RYR2: variants seen among roughly 807,000 people sequenced by gnomAD.
RYR2 encodes ryanodine receptor 2.
RYR2 carries 227 observed loss-of-function variants against 601.1 expected under a neutral mutation model. The observed-to-expected ratio is 0.38, with a 90% CI of 0.34 to 0.42. RYR2 has a LOEUF of 0.42. Ranked by LOEUF, RYR2 falls within the 10% of genes least tolerant of loss-of-function variation. The pLI, the probability that RYR2 is intolerant of heterozygous loss-of-function variation, is 1.00. For missense variants in RYR2, 4,646 were observed against 6,156.5 expected (o/e 0.75, Z 8.21); for synonymous variants, 2,223 against 2,175.1 (o/e 1.02, Z -0.61).
chr1:237,807,184 C>T lies in RYR2; in HGVS notation c.14298+901C>T, dbSNP rs532295147. Among the ~76,000 whole-genome samples, 6 of 152,132 alleles carry T rather than the reference C, an allele frequency of 3.9e-5. No homozygotes were observed. The East Asian group carries it at 1.2e-3, about 29-fold the overall frequency. On this transcript the variant is annotated intron_variant, in intron 99 of 104. Coordinates refer to ENST00000366574, the MANE Select transcript of RYR2 (RefSeq NM_001035.3). ...CGTGCACGGCAAGTCATGGGTCTAG[C>T]GACAAAAAAGTCTATTTATCTGTCA...
chr1:237,287,964 C>T (rs1299539268), intron 2 of RYR2, among the ~76,000 whole-genome samples: 2 of 152,142 alleles, frequency 1.3e-5, no homozygotes. Flanking sequence ...GGGTCTAGGG[C>T]TGAAGGCTGT....
chr1:237,197,372 A>T (rs1267234696), intron 1 of RYR2, among the ~76,000 whole-genome samples: 1 of 152,208 alleles, frequency 6.6e-6, no homozygotes, highest in Non-Finnish European at 1.5e-5. Flanking sequence ...GTTTTCATAA[A>T]TTGGTGTAAA....
At chr1:237,381,251 CAAAAAA>C (rs60493059) in intron 8 of RYR2, among the ~76,000 whole-genome samples, 2 of 45,768 alleles carry the variant, frequency 4.4e-5, no homozygotes, top group Non-Finnish European at 1.1e-4. Context: ...GACTCCGTCT[CAAAAAA>C]AAAAAAAAAA....
intron 42 of RYR2, among the ~76,000 whole-genome samples, chr1:237,632,194 G>A (rs923239349): frequency 7.2e-5 from 11 of 151,938 alleles, no homozygotes; most frequent in Non-Finnish European, 1.5e-4. Context: ...ATTACTCTAT[G>A]TGTTAATTTA....
intron 2 of RYR2, among the ~76,000 whole-genome samples, chr1:237,314,619 G>A (rs1430730956): frequency 6.6e-6 from 1 of 152,162 alleles, no homozygotes; most frequent in Non-Finnish European, 1.5e-5. Flanking sequence ...TAGTATTACA[G>A]GTGCATCGTA....
chr1:237,627,915 A>G lies in RYR2; in HGVS notation c.6275A>G (p.Tyr2092Cys), dbSNP rs1490741313. 3 of 1,613,812 alleles carry G rather than the reference A, an allele frequency of 1.9e-6. No individual in the cohort carries two copies. The highest frequency in any genetic ancestry group is 2.5e-6 in the Non-Finnish European group (3 of 1,179,894). Residue 2092 changes from tyrosine (Y) to cysteine (C), a missense_variant, in exon 41 of 105, where the codon TAT becomes TGT. Tyr to Cys is a radical substitution (Grantham distance 194, BLOSUM62 -2). Transcript: ENST00000366574. ...RAMFVLLHRQ[Y>C]DGIGGLVRAL... ...ATGTTTGTGTTGCTCCATCGGCAGT[A>G]TGACGGCATTGGGGGTCTTGTTCGG...
chr1:237,427,772 G>A (rs1335772740), intron 12 of RYR2, among the ~76,000 whole-genome samples: 3 of 95,386 alleles, frequency 3.1e-5, no homozygotes, highest in African/African-American at 1.3e-4. Flanking sequence ...AACAGAGCAA[G>A]ACTCTGCCTC....
rs1678573806 is a variant in RYR2, at chr1:237,180,535, T to G, written c.49-89962T>G. Among the ~76,000 whole-genome samples the G allele has an allele frequency of 6.6e-6, 1 of 151,452 alleles. No homozygotes were observed. The highest frequency in any genetic ancestry group is 1.5e-5 in the Non-Finnish European group (1 of 67,964). ...TTCTTTTTCTGCTTAGTCTTTCTGG[T>G]TGGCTCAGATTGAAAAAAACCCAAA... On this transcript the variant is annotated intron_variant, in intron 1 of 104. Transcript: ENST00000366574. The surrounding 1 kb of genome is among the most constrained non-coding windows in gnomAD (Gnocchi z 5.3).
intron 88 of RYR2, among the ~76,000 whole-genome samples, chr1:237,779,126 T>G (rs1289462882): frequency 6.6e-6 from 1 of 152,154 alleles, no homozygotes; most frequent in African/African-American, 2.4e-5. Flanking sequence ...TACAGATAAT[T>G]GAAATAGGTT....
At position 237,680,442 on chromosome 1, in the gene RYR2, T is replaced by C. The variant is rs761596075; in HGVS notation, c.8896-14T>C. ...TTCCACTACGTAGATCTGTCTTCTT[T>C]TCCTTTCTTTCAGGTCGTTCTTCCT... On this transcript the variant is annotated splice_polypyrimidine_tract_variant and intron_variant, in intron 61 of 104. Transcript: ENST00000366574. 33 of 1,607,016 alleles carry C rather than the reference T, an allele frequency of 2.1e-5. No individual in the cohort carries two copies. In the East Asian group the frequency reaches 2.5e-4, roughly 12 times the overall value.
At chr1:237,659,195 C>T (rs1055521926) in intron 54 of RYR2, among the ~76,000 whole-genome samples, 14 of 152,156 alleles carry the variant, frequency 9.2e-5, no homozygotes, top group East Asian at 3.8e-4. Flanking sequence ...GCCAGTCTTT[C>T]GGTCCCTCTA....
chr1:237,315,430 A>G (rs1389007933), intron 2 of RYR2, among the ~76,000 whole-genome samples: 2 of 152,090 alleles, frequency 1.3e-5, no homozygotes, highest in African/African-American at 4.8e-5. Context: ...ATTTAAATAT[A>G]TAAGTTATTA....
chr1:237,287,601 G>A (rs1691702656), intron 2 of RYR2, among the ~76,000 whole-genome samples: 1 of 152,092 alleles, frequency 6.6e-6, no homozygotes, highest in Non-Finnish European at 1.5e-5. Context: ...CAATTCTATT[G>A]CTGAGACTTT....
chr1:237,091,665 T>TC (rs1188180090), intron 1 of RYR2, among the ~76,000 whole-genome samples: 2 of 152,092 alleles, frequency 1.3e-5, no homozygotes, highest in African/African-American at 2.4e-5. Context: ...GCTCAAGTGA[T>TC]CCCCCCGCCT....
In RYR2 at chr1:237,266,601, G is replaced by C. The variant is rs111742520; in HGVS notation, c.49-3896G>C. Among the ~76,000 whole-genome samples the C allele has an allele frequency of 4.6e-5, 7 of 152,150 alleles. No homozygotes were observed. In the South Asian group the frequency reaches 6.2e-4, roughly 13 times the overall value. On this transcript the variant is annotated intron_variant, in intron 1 of 104. Coordinates refer to ENST00000366574, the MANE Select transcript of RYR2 (RefSeq NM_001035.3). The stretch of plus-strand genomic sequence containing the variant: ...AAGGTGGCTTGTGAATTGGTGTTTG[G>C]TTCATTAAATGTTCAGTATATTTTA...
intron 63 of RYR2, among the ~76,000 whole-genome samples, chr1:237,697,628 A>G (rs1178620885): frequency 7.6e-6 from 1 of 131,722 alleles, no homozygotes; most frequent in Non-Finnish European, 1.6e-5. Context: ...CTGATTCGTT[A>G]TCTATATCCC....
intron 1 of RYR2, among the ~76,000 whole-genome samples, chr1:237,100,462 A>G (rs749276096): frequency 2.0e-5 from 3 of 147,820 alleles, no homozygotes; most frequent in Admixed American, 6.7e-5. Context: ...TCTCGGCTCA[A>G]TGCAACCTCC....
chr1:237,672,471 A>G (rs79660759), intron 58 of RYR2, among the ~76,000 whole-genome samples: 4,234 of 152,208 alleles, frequency 0.028, 130 homozygotes, highest in African/African-American at 0.076. Flanking sequence ...TTTTGCTTTT[A>G]TTTTTAACTG....
intron 29 of RYR2, among the ~76,000 whole-genome samples, chr1:237,582,156 G>A (rs1238109974): frequency 1.3e-5 from 2 of 151,946 alleles, no homozygotes; most frequent in Non-Finnish European, 2.9e-5. Context: ...AGGCTGGAGT[G>A]CAGTGGCATG....
Sources: gnomAD v4.1 joint callset for allele counts (sites outside exome capture counted in the v4.1 genomes callset) on GRCh38, gnomAD v4.1.1 for gene constraint, Gnocchi (gnomAD v3.1) non-coding constraint, MANE v1.5 for transcripts, NCBI Gene and HGNC (gene_info 2026-07-23, HGNC 2026-07-21) for gene names.